The following CELF2 variants were observed in gnomAD, a reference collection of about 807,000 sequenced individuals.
CELF2 encodes the protein CUGBP Elav-like family member 2, also known as CUG triplet repeat RNA-binding protein 2.
A neutral mutation model predicts 62.6 loss-of-function variants in CELF2; 8 were observed. The observed-to-expected ratio is 0.13, with a 90% CI of 0.07 to 0.23. The LOEUF (loss-of-function observed/expected upper bound fraction) is 0.23, where lower values mean the gene tolerates loss of function less well. Among genes scored for constraint, CELF2 ranks in the 10% least tolerant of loss-of-function variants. CELF2 has a pLI of 1.00. For missense variants in CELF2, 333 were observed against 671.0 expected, an observed-to-expected ratio of 0.50 and a Z score of 5.56; for synonymous variants, 258 against 250.0, an observed-to-expected ratio of 1.03 and a Z score of -0.30.
chr10:10,985,647 G>A (rs929418442), intron 2 of CELF2, among the ~76,000 whole-genome samples: 4 of 152,198 alleles, frequency 2.6e-5, no homozygotes, highest in Admixed American at 2.6e-4. Context: ...GTTGAAATGT[G>A]GGATTAGCCG....
intron 8 of CELF2, among the ~76,000 whole-genome samples, chr10:11,279,531 T>C (rs2087481202): frequency 2.0e-5 from 3 of 152,172 alleles, no homozygotes; most frequent in South Asian, 2.1e-4. Context: ...AAGCTGAGTC[T>C]CCAGCAGTCC....
rs768862643 is a variant in CELF2, at chr10:11,329,839, AATAAATAC to A, written c.*802_*809del. Reference sequence around the variant, plus strand: ...TTGAAAGATAAATTTAATAATAATAAATAAATACATAAATACATAAATAAAAAAGAAAG... The same window carrying A: ...TTGAAAGATAAATTTAATAATAATAAATAAATACATAAATAAAAAAGAAAG... On this transcript the variant is annotated 3_prime_UTR_variant, in exon 13 of 13. Transcript: ENST00000633077. The surrounding 1 kb of genome is among the most constrained non-coding windows in gnomAD (Gnocchi z 5.5). The A allele has an allele frequency of 4.3e-4, 66 of 152,138 alleles. No homozygotes were observed. The highest frequency in any genetic ancestry group is 1.0e-3 in the Admixed American group (16 of 15,284). 9.4% of individuals were successfully genotyped at this position (152,138 alleles called of 1,614,324 possible). A position where few individuals can be genotyped will look rare whatever the true frequency, so the allele number is the denominator to read the frequency against.
intron 1 of CELF2, among the ~76,000 whole-genome samples, chr10:11,067,839 C>T (rs2068579662): frequency 6.6e-6 from 1 of 152,136 alleles, no homozygotes; most frequent in African/African-American, 2.4e-5. Flanking sequence ...CTTCTAAATC[C>T]CACTTTCCCG....
At chr10:10,561,919 CT>C in the CELF2 span, among the ~76,000 whole-genome samples, 1 of 152,138 alleles carries the variant, frequency 6.6e-6, no homozygotes, top group Non-Finnish European at 1.5e-5. Context: ...TTCAGCCCCC[CT>C]GCTCTCACTT....
chr10:11,138,008 A>G (rs1010088958), intron 1 of CELF2, among the ~76,000 whole-genome samples: 2 of 152,224 alleles, frequency 1.3e-5, no homozygotes, highest in African/African-American at 4.8e-5. Flanking sequence ...TTGTGCCCCA[A>G]TAAAAATGGG....
chr10:11,031,756 T>TATTC (rs2060145481), intron 1 of CELF2, among the ~76,000 whole-genome samples: 1 of 152,176 alleles, frequency 6.6e-6, no homozygotes, highest in Non-Finnish European at 1.5e-5. Flanking sequence ...ATGGAATGTA[T>TATTC]ATTCACTCCA....
chr10:10,732,754 C>T, the CELF2 span, among the ~76,000 whole-genome samples: 1 of 152,132 alleles, frequency 6.6e-6, no homozygotes, highest in Admixed American at 6.6e-5. Context: ...GAACTCCTGA[C>T]CTCAAGTGAC....
Position 11,110,094 on chromosome 10 carries a change from AC to A in CELF2, c.75-55391del, listed in dbSNP as rs1328216740. ...GGCAACATAGCAAGACCTCATTGCT[AC>A]TAAAAATTTTTAAAAATTAGTTGGG... On this transcript the variant is annotated intron_variant, in intron 1 of 12. Transcript: ENST00000633077. The surrounding 1 kb of genome is among the most constrained non-coding windows in gnomAD (Gnocchi z 4.0). Among the ~76,000 whole-genome samples, 3 of 152,064 alleles carry A rather than the reference AC, an allele frequency of 2.0e-5. No homozygotes were observed. The highest frequency in any genetic ancestry group is 4.4e-5 in the Non-Finnish European group (3 of 67,992).
intron 5 of CELF2, among the ~76,000 whole-genome samples, chr10:11,265,635 T>C (rs1167786288): frequency 2.0e-5 from 3 of 152,220 alleles, no homozygotes; most frequent in Non-Finnish European, 4.4e-5. Context: ...GAAGGCAGTG[T>C]TTTTATTAGT....
upstream of CELF2, among the ~76,000 whole-genome samples, chr10:11,003,223 T>C (rs1445346491): frequency 6.6e-6 from 1 of 152,226 alleles, no homozygotes; most frequent in Admixed American, 6.5e-5. The surrounding 1 kb of genome is among the most constrained non-coding windows in gnomAD (Gnocchi z 4.4). Flanking sequence ...GAGTATAAAA[T>C]ATTTAATGGT....
the CELF2 span, among the ~76,000 whole-genome samples, chr10:10,577,787 C>A: frequency 6.6e-6 from 1 of 152,086 alleles, no homozygotes; most frequent in Non-Finnish European, 1.5e-5. Flanking sequence ...GGTTCCAAGT[C>A]TTTGCTATTG....
the CELF2 span, among the ~76,000 whole-genome samples, chr10:10,743,698 T>C: frequency 6.6e-6 from 1 of 152,244 alleles, no homozygotes; most frequent in Admixed American, 6.5e-5. Flanking sequence ...TAATCCTCTT[T>C]GTGACATCTT....
At chr10:11,108,979 T>C (rs1182383455) in intron 1 of CELF2, among the ~76,000 whole-genome samples, 2 of 152,248 alleles carry the variant, frequency 1.3e-5, no homozygotes, top group Non-Finnish European at 2.9e-5. Flanking sequence ...TTTTGTCTAC[T>C]GTGTCCTTTG....
At chr10:10,812,453 T>C (rs913247459) in intron 1 of CELF2, among the ~76,000 whole-genome samples, 7 of 152,290 alleles carry the variant, frequency 4.6e-5, no homozygotes, top group Non-Finnish European at 1.0e-4. Context: ...CTCTCGACTT[T>C]AGTGCAACAG....
At chr10:10,658,829 TTA>T in the CELF2 span, among the ~76,000 whole-genome samples, 1 of 152,128 alleles carries the variant, frequency 6.6e-6, no homozygotes, top group Admixed American at 6.5e-5. Flanking sequence ...TATCTGGAAT[TTA>T]TGTTTTTAGA....
At chr10:11,125,413 A>C (rs923644325) in intron 1 of CELF2, among the ~76,000 whole-genome samples, 2 of 151,124 alleles carry the variant, frequency 1.3e-5, no homozygotes, top group African/African-American at 2.4e-5. Context: ...CCATTGATAA[A>C]GAGAGGCAGG....
the CELF2 span, among the ~76,000 whole-genome samples, chr10:10,742,985 T>C: frequency 6.6e-6 from 1 of 152,262 alleles, no homozygotes; most frequent in Non-Finnish European, 1.5e-5. Flanking sequence ...TTTGCTTTCC[T>C]GGTATCTCAT....
chr10:10,513,336 A>G, the CELF2 span, among the ~76,000 whole-genome samples: 1 of 152,168 alleles, frequency 6.6e-6, no homozygotes. Flanking sequence ...GACCTGATTT[A>G]CTGAAAGAGC....
the CELF2 span, among the ~76,000 whole-genome samples, chr10:10,697,760 C>T: frequency 6.6e-6 from 1 of 152,146 alleles, no homozygotes. Context: ...CCGCACCCCC[C>T]CAATACCATC....
Sources: gnomAD v4.1 joint callset for allele counts (sites outside exome capture counted in the v4.1 genomes callset) on GRCh38, gnomAD v4.1.1 for gene constraint, Gnocchi (gnomAD v3.1) non-coding constraint, MANE v1.5 for transcripts, NCBI Gene and HGNC (gene_info 2026-07-23, HGNC 2026-07-21) for gene names.